The following SFMBT2 variants were observed in gnomAD, a reference collection of about 807,000 sequenced individuals.
SFMBT2 encodes the protein Scm like with four mbt domains 2.
SFMBT2 carries 38 observed loss-of-function variants against 110.1 expected under a neutral mutation model. The observed-to-expected ratio is 0.35, with a 90% confidence interval of 0.27 to 0.45. The LOEUF is 0.45. Ranked by LOEUF, SFMBT2 falls within the 20% of genes least tolerant of loss-of-function variation. The pLI is 1.00. For missense variants in SFMBT2, 1,011 were observed against 1,094.9 expected (o/e 0.92, Z 1.08); for synonymous variants, 425 against 425.4 (o/e 1.00, Z 0.01).
chr10:7,263,211 C>G (rs909756755), intron 7 of SFMBT2, among the ~76,000 whole-genome samples: 4 of 151,788 alleles, frequency 2.6e-5, no homozygotes, highest in Non-Finnish European at 5.9e-5. Flanking sequence ...AAATCACCTA[C>G]CATCAAAACA....
chr10:7,262,223 T>C (rs1490854205), intron 7 of SFMBT2, among the ~76,000 whole-genome samples: 1 of 151,872 alleles, frequency 6.6e-6, no homozygotes, highest in African/African-American at 2.4e-5. Context: ...AAAGGATTGG[T>C]GGTTTTTTAA....
At chr10:7,402,994 T>C (rs1482747847) in intron 1 of SFMBT2, among the ~76,000 whole-genome samples, 1 of 152,214 alleles carries the variant, frequency 6.6e-6, no homozygotes, top group Non-Finnish European at 1.5e-5. Context: ...CTGATTTATA[T>C]TGAAACCAAT....
At chr10:7,204,424 G>A (rs1245143024) in intron 12 of SFMBT2, 20 of 985,154 alleles carry the variant, frequency 2.0e-5, no homozygotes, top group Admixed American at 6.1e-5. Context: ...TGTCAGAGAC[G>A]GAATCTCTTT....
intron 7 of SFMBT2, among the ~76,000 whole-genome samples, chr10:7,251,316 A>G (rs923182516): frequency 6.6e-6 from 1 of 152,094 alleles, no homozygotes; most frequent in African/African-American, 2.4e-5. Context: ...TCTACTAAAA[A>G]TACAGAAAAT....
At chr10:7,384,738 T>A (rs889287178) in intron 1 of SFMBT2, among the ~76,000 whole-genome samples, 1 of 152,150 alleles carries the variant, frequency 6.6e-6, no homozygotes, top group Non-Finnish European at 1.5e-5. Context: ...CCTGTGGGTA[T>A]CAGTTTGCTA....
At chr10:7,394,093 G>A (rs370553578) in intron 1 of SFMBT2, among the ~76,000 whole-genome samples, 19 of 151,926 alleles carry the variant, frequency 1.3e-4, no homozygotes, top group South Asian at 4.2e-4. Flanking sequence ...TCCGCCTCCC[G>A]GGTTCAAGAG....
intron 6 of SFMBT2, chr10:7,277,453 A>G (rs527829935): frequency 1.2e-5 from 3 of 244,158 alleles, no homozygotes; most frequent in Admixed American, 1.3e-4. Context: ...CTAAGCTCTC[A>G]TCTGCTAAAA....
intron 4 of SFMBT2, among the ~76,000 whole-genome samples, chr10:7,344,874 G>A (rs1055173928): frequency 2.0e-5 from 3 of 150,198 alleles, no homozygotes; most frequent in Non-Finnish European, 3.0e-5. Flanking sequence ...CAAGAGAATG[G>A]TGTGAACCCA....
chr10:7,407,879 G>A (rs538171531), intron 1 of SFMBT2, among the ~76,000 whole-genome samples: 1 of 152,090 alleles, frequency 6.6e-6, no homozygotes, highest in African/African-American at 2.4e-5. Context: ...GGCTTTTCGC[G>A]CATCCAGGTC....
intron 16 of SFMBT2, among the ~76,000 whole-genome samples, chr10:7,179,709 C>T (rs540707854): frequency 3.3e-5 from 5 of 152,200 alleles, no homozygotes; most frequent in Non-Finnish European, 5.9e-5. Flanking sequence ...CATCAAACCT[C>T]CAGGTGACGA....
Position 7,386,307 on chromosome 10 carries a change from G to A in SFMBT2, c.-51-4358C>T, listed in dbSNP as rs529099359. On this transcript the variant is annotated intron_variant, in intron 1 of 20. Transcript: ENST00000397167. The stretch of plus-strand genomic sequence containing the variant: ...AAGAGACAGAAGCTTATTATGGTGG[G>A]GAAAAAATTAAAATTCTGCGTATGT... Among the ~76,000 whole-genome samples the A allele has an allele frequency of 1.6e-4, 25 of 152,228 alleles. 1 individual carries two copies. The highest frequency in any genetic ancestry group is 3.4e-3 in the Middle Eastern group (1 of 294).
chr10:7,381,648 C>G (rs535677130), intron 2 of SFMBT2, 151 bp downstream of exon 2: 2 of 726,946 alleles, frequency 2.8e-6, no homozygotes, highest in Non-Finnish European at 4.2e-6. Context: ...AATTTTAGAG[C>G]GGCCATATCC....
At chr10:7,180,403 T>G (rs961559662) in intron 16 of SFMBT2, among the ~76,000 whole-genome samples, 1 of 151,692 alleles carries the variant, frequency 6.6e-6, no homozygotes, top group African/African-American at 2.4e-5. Context: ...CCTCCCAAAG[T>G]GCTGGGATTA....
intron 10 of SFMBT2, among the ~76,000 whole-genome samples, chr10:7,223,598 C>T (rs140447030): frequency 0.011 from 1,648 of 152,246 alleles, 9 homozygotes; most frequent in South Asian, 0.029. Context: ...TTTCCTCTCT[C>T]GTTCCGATTA....
chr10:7,264,937 GAAA>G (rs35999336), intron 7 of SFMBT2, among the ~76,000 whole-genome samples: 1 of 95,222 alleles, frequency 1.1e-5, no homozygotes, highest in Non-Finnish European at 2.4e-5. Context: ...TAAAAAAGAG[GAAA>G]AAAAAAAAAA....
At chr10:7,200,009 G>T (rs1051128597) in intron 14 of SFMBT2, among the ~76,000 whole-genome samples, 2 of 152,082 alleles carry the variant, frequency 1.3e-5, no homozygotes, top group Non-Finnish European at 1.5e-5. Flanking sequence ...TCAAAAGCTC[G>T]GGGCGACTTA....
intron 4 of SFMBT2, among the ~76,000 whole-genome samples, chr10:7,343,899 G>T (rs765716706): frequency 6.6e-5 from 10 of 152,150 alleles, no homozygotes; most frequent in African/African-American, 1.2e-4. Context: ...AAGAATCTTG[G>T]CATGGTTGTT....
intron 7 of SFMBT2, among the ~76,000 whole-genome samples, chr10:7,256,502 T>G (rs1044334654): frequency 1.3e-5 from 2 of 152,212 alleles, no homozygotes; most frequent in Non-Finnish European, 2.9e-5. Context: ...AAAAATTACT[T>G]CCAAAATGTT....
At chr10:7,310,903 T>A (rs1842834500) in intron 4 of SFMBT2, among the ~76,000 whole-genome samples, 1 of 151,858 alleles carries the variant, frequency 6.6e-6, no homozygotes, top group African/African-American at 2.4e-5. Context: ...AAAAATTAAC[T>A]GGGCATGGTG....
Sources: gnomAD v4.1 joint callset for allele counts (sites outside exome capture counted in the v4.1 genomes callset) on GRCh38, gnomAD v4.1.1 for gene constraint, MANE v1.5 for transcripts, NCBI Gene and HGNC (gene_info 2026-07-23, HGNC 2026-07-21) for gene names.